LPP: variants seen among roughly 807,000 people sequenced by gnomAD.
LPP encodes the protein lipoma-preferred partner.
In LPP, 38 loss-of-function variants were observed where a neutral mutation model predicts 60.4. The ratio of observed to expected loss-of-function variants is 0.63; its 90% CI spans 0.49 to 0.83. LPP has a LOEUF of 0.83. Among genes scored for constraint, LPP ranks in the 40% least tolerant of loss-of-function variants. The probability of loss-of-function intolerance (pLI) is 0.00; values close to 1 mark genes in which losing one functional copy is unlikely to be tolerated. For synonymous variants in LPP, 328 were observed against 290.8 expected (o/e 1.13, Z -1.30); for missense variants, 902 against 783.6 (o/e 1.15, Z -1.80).
intron 7 of LPP, among the ~76,000 whole-genome samples, chr3:188,701,751 G>A (rs377340786): frequency 1.3e-4 from 19 of 144,456 alleles, no homozygotes; most frequent in Admixed American, 3.5e-4. Context: ...ATCTGGCTGC[G>A]TTTTTTTTTT....
chr3:188,844,157 C>T (rs1343042035), intron 9 of LPP, among the ~76,000 whole-genome samples: 1 of 152,160 alleles, frequency 6.6e-6, no homozygotes, highest in Non-Finnish European at 1.5e-5. Flanking sequence ...TCCTCCCATG[C>T]TTAATCATTA....
At chr3:188,624,013 A>G (rs1846309055) in intron 7 of LPP, among the ~76,000 whole-genome samples, 1 of 152,224 alleles carries the variant, frequency 6.6e-6, no homozygotes, top group African/African-American at 2.4e-5. Context: ...ATTTTAGCCA[A>G]TAACATTGAA....
intron 4 of LPP, among the ~76,000 whole-genome samples, chr3:188,430,553 A>G (rs913021980): frequency 1.3e-5 from 2 of 152,166 alleles, no homozygotes; most frequent in Admixed American, 6.6e-5. Flanking sequence ...AGTGGCAGCA[A>G]TCATTGCACT....
intron 9 of LPP, among the ~76,000 whole-genome samples, chr3:188,836,523 T>C (rs1421324145): frequency 2.0e-5 from 3 of 152,256 alleles, no homozygotes; most frequent in Non-Finnish European, 4.4e-5. Flanking sequence ...TTCTTCACTC[T>C]ATCCCTGCAG....
intron 7 of LPP, among the ~76,000 whole-genome samples, chr3:188,636,462 T>G (rs942021202): frequency 5.4e-4 from 82 of 152,282 alleles, no homozygotes; most frequent in African/African-American, 1.1e-3. Context: ...ACTGCAAGGC[T>G]GCAGCAAGAC....
At chr3:188,741,672 A>C (rs1292123902) in intron 8 of LPP, among the ~76,000 whole-genome samples, 1 of 151,974 alleles carries the variant, frequency 6.6e-6, no homozygotes, top group Non-Finnish European at 1.5e-5. Flanking sequence ...ATAAATGTAA[A>C]AGCTAAATCT....
chr3:188,181,164 C>T (rs1724868503), intron 1 of LPP, among the ~76,000 whole-genome samples: 1 of 151,898 alleles, frequency 6.6e-6, no homozygotes, highest in Non-Finnish European at 1.5e-5. Flanking sequence ...ACCAGCCTGG[C>T]CAATATGGTG....
intron 5 of LPP, among the ~76,000 whole-genome samples, chr3:188,515,798 G>C (rs1031201009): frequency 5.9e-5 from 9 of 152,166 alleles, no homozygotes; most frequent in African/African-American, 2.2e-4. Context: ...CATTAGATAA[G>C]AAGGATTTTA....
At position 188,852,149 on chromosome 3, in the gene LPP, G is replaced by A. The variant is rs139767802; in HGVS notation, c.1411-14051G>A. ...ACTGCACTCCAGTCTGGGGGACAGA[G>A]TGAGACTCTGTCTCAAAAAAGACAA... On this transcript the variant is annotated intron_variant, in intron 9 of 11. Transcript: ENST00000617246. 1.9e-3 allele frequency among the ~76,000 whole-genome samples: 297 copies of A among 152,314 alleles called. 2 individuals carry two copies. Among genetic ancestry groups the A allele is most frequent in the African/African-American group, 6.7e-3 (277 of 41,558 alleles).
chr3:188,617,542 TG>T (rs1384826999), intron 7 of LPP, among the ~76,000 whole-genome samples: 27 of 152,324 alleles, frequency 1.8e-4, no homozygotes, highest in African/African-American at 6.5e-4. Context: ...GTCTCACAGC[TG>T]CTCCTGTGAA....
chr3:188,862,719 ATAAATAAATAAATAAAT>A lies in LPP; in HGVS notation c.1411-3480_1411-3464del, dbSNP rs1330707955. The stretch of plus-strand genomic sequence containing the variant: ...GCTGGCAACCCTACTAGACAAAAAA[ATAAATAAATAAATAAAT>A]AAAAGAAAAAAGAAAAGAAAGAAAG... On this transcript the variant is annotated intron_variant, in intron 9 of 11. Transcript: ENST00000617246. 7.3e-4 allele frequency among the ~76,000 whole-genome samples: 67 copies of A among 91,170 alleles called. 4 individuals are homozygous for A. The highest frequency in any genetic ancestry group is 1.8e-3 in the African/African-American group (50 of 27,400). 59.8% of individuals were successfully genotyped at this position (91,170 alleles called of 152,430 possible).
intron 2 of LPP, among the ~76,000 whole-genome samples, chr3:188,258,418 G>A (rs1034432056): frequency 2.6e-5 from 4 of 152,160 alleles, no homozygotes; most frequent in African/African-American, 7.2e-5. Flanking sequence ...AACCTTCTAG[G>A]CTCAATCAAC....
intron 7 of LPP, among the ~76,000 whole-genome samples, chr3:188,627,663 A>G (rs185647476): frequency 7.9e-5 from 12 of 152,274 alleles, no homozygotes; most frequent in Admixed American, 3.3e-4. Flanking sequence ...TTAGAGAACT[A>G]CAATAGTGGG....
chr3:188,354,403 T>C (rs1038849997), intron 3 of LPP, among the ~76,000 whole-genome samples: 1 of 152,184 alleles, frequency 6.6e-6, no homozygotes, highest in African/African-American at 2.4e-5. Context: ...AAGACAGAGA[T>C]GCATGTGGGC....
At chr3:188,277,777 AAT>A (rs1340778155) in intron 2 of LPP, among the ~76,000 whole-genome samples, 1 of 152,134 alleles carries the variant, frequency 6.6e-6, no homozygotes, top group Non-Finnish European at 1.5e-5. Flanking sequence ...CAGTGGCTCA[AAT>A]GCCGAGACAT....
At chr3:188,405,228 C>T (rs1216003490) in intron 3 of LPP, among the ~76,000 whole-genome samples, 1 of 152,230 alleles carries the variant, frequency 6.6e-6, no homozygotes, top group Non-Finnish European at 1.5e-5. Context: ...CCCTTTTCCA[C>T]ATACCCCTTG....
chr3:188,846,708 G>C (rs1247264369), intron 9 of LPP, among the ~76,000 whole-genome samples: 2 of 148,752 alleles, frequency 1.3e-5, no homozygotes, highest in Non-Finnish European at 3.0e-5. Flanking sequence ...AAAAAAGAGA[G>C]AGAAAAGAAA....
chr3:188,308,355 A>C (rs1752195237), intron 2 of LPP, among the ~76,000 whole-genome samples: 1 of 152,206 alleles, frequency 6.6e-6, no homozygotes, highest in Non-Finnish European at 1.5e-5. Context: ...TAGATGCCCC[A>C]CTTAAGCAAG....
chr3:188,347,128 C>A (rs1764610954), intron 3 of LPP, among the ~76,000 whole-genome samples: 2 of 152,086 alleles, frequency 1.3e-5, no homozygotes, highest in South Asian at 2.1e-4. Context: ...AATATAAAAT[C>A]TGGATTTAAA....
Sources: allele counts gnomAD v4.1 joint callset (sites outside exome capture counted in the v4.1 genomes callset), GRCh38; gene constraint gnomAD v4.1.1; transcripts MANE v1.5; gene names NCBI Gene and HGNC (gene_info 2026-07-23, HGNC 2026-07-21).